The following ACAD10 variants were observed in gnomAD, a reference collection of about 807,000 sequenced individuals.
ACAD10 encodes the protein acyl-CoA dehydrogenase family member 10.
A neutral mutation model predicts 116.8 loss-of-function variants in ACAD10; 112 were observed. The observed-to-expected ratio is 0.96, with a 90% CI of 0.82 to 1.12. ACAD10 has a LOEUF of 1.12. ACAD10 is among the 50% of genes most tolerant of loss of function. The pLI, the probability that ACAD10 is intolerant of heterozygous loss-of-function variation, is 0.00. For missense variants in ACAD10, 1,259 were observed against 1,350.2 expected (o/e 0.93, Z 1.06); for synonymous variants, 486 against 510.6 (o/e 0.95, Z 0.65).
intron 2 of ACAD10, among the ~76,000 whole-genome samples, chr12:111,697,080 CAAA>C (rs5800932): frequency 9.2e-4 from 114 of 123,922 alleles, no homozygotes; most frequent in South Asian, 2.8e-3. Flanking sequence ...GACTCCGTCT[CAAA>C]AAAAAAAAAA....
chr12:111,741,664 T>TCA (rs1889746733), intron 12 of ACAD10, among the ~76,000 whole-genome samples: 1 of 152,142 alleles, frequency 6.6e-6, no homozygotes, highest in Admixed American at 6.6e-5. Context: ...CTTAGTTTTC[T>TCA]CATGTAAAAA....
At chr12:111,733,078 CT>C (rs1273769198) in intron 10 of ACAD10, among the ~76,000 whole-genome samples, 1 of 151,998 alleles carries the variant, frequency 6.6e-6, no homozygotes, top group Non-Finnish European at 1.5e-5. Flanking sequence ...AGCATGGCAA[CT>C]TCTGGGTAAC....
chr12:111,721,940 G>A, intron 8 of ACAD10: 1 of 393,218 alleles, frequency 2.5e-6, no homozygotes, highest in Non-Finnish European at 4.5e-6. Flanking sequence ...GGGATAATTG[G>A]TAGAAAACAT....
chr12:111,742,215 G>A (rs1889764192), intron 12 of ACAD10, among the ~76,000 whole-genome samples: 1 of 152,032 alleles, frequency 6.6e-6, no homozygotes, highest in Non-Finnish European at 1.5e-5. Context: ...TCTCAGAGTG[G>A]GAGCCAACCA....
At chr12:111,742,743 CTT>C (rs987456656) in intron 12 of ACAD10, among the ~76,000 whole-genome samples, 7 of 152,132 alleles carry the variant, frequency 4.6e-5, no homozygotes, top group African/African-American at 7.2e-5. Context: ...GAATTTTGCT[CTT>C]GTCACCCAGG....
At chr12:111,728,276 A>T in intron 9 of ACAD10, 133 bp downstream of exon 9, 6 of 902,838 alleles carry the variant, frequency 6.6e-6, no homozygotes, top group Non-Finnish European at 9.4e-6. Context: ...CTTCCTTGGA[A>T]ATCCAGTTTA....
Position 111,756,442 on chromosome 12 carries a change from T to C in ACAD10, c.3149T>C (p.Val1050Ala). ...DGPDEVHRAT[V>A]AKLELKHRI ...CCTGACGAGGTGCACCGGGCCACGG[T>C]GGCCAAGCTAGAGCTGAAGCACCGC... Residue 1050 changes from valine (V) to alanine (A), a missense_variant, in exon 21 of 21, where the codon GTG becomes GCG. Transcript: ENST00000313698. 6.2e-7 allele frequency: 1 copy of C among 1,612,826 alleles called. No individual in the cohort carries two copies. Among genetic ancestry groups the C allele is most frequent in the Non-Finnish European group, 8.5e-7 (1 of 1,179,866 alleles).
At chr12:111,691,872 C>T (rs1888053854) in intron 1 of ACAD10, among the ~76,000 whole-genome samples, 2 of 152,288 alleles carry the variant, frequency 1.3e-5, no homozygotes, top group South Asian at 2.1e-4. Context: ...GTTGAGATTA[C>T]AGGCGTGTGC....
At chr12:111,740,332 C>G (rs1037867195) in intron 12 of ACAD10, among the ~76,000 whole-genome samples, 1 of 151,352 alleles carries the variant, frequency 6.6e-6, no homozygotes, top group Middle Eastern at 3.4e-3. Flanking sequence ...TGTGGTGATG[C>G]CGCCTATAAT....
intron 20 of ACAD10, 56 bp from the exon 21 acceptor site, chr12:111,756,277 G>A: frequency 1.3e-6 from 2 of 1,519,472 alleles, no homozygotes; most frequent in Non-Finnish European, 1.7e-6. Flanking sequence ...CATTCCTGGG[G>A]CTCTCGGAGA....
At chr12:111,737,422 A>G (rs1353796496) in intron 12 of ACAD10, among the ~76,000 whole-genome samples, 4 of 152,102 alleles carry the variant, frequency 2.6e-5, no homozygotes, top group Non-Finnish European at 5.9e-5. Flanking sequence ...CCGGGCCTCA[A>G]GTGATCCGTC....
chr12:111,724,578 G>A (rs1455221826), intron 8 of ACAD10, among the ~76,000 whole-genome samples: 8 of 152,206 alleles, frequency 5.3e-5, no homozygotes, highest in African/African-American at 1.4e-4. Context: ...TGAGGCTGGC[G>A]GATCACTCGC....
chr12:111,694,903 A>T lies in ACAD10; in HGVS notation c.187+2007A>T, dbSNP rs528154089. 3.4e-4 allele frequency among the ~76,000 whole-genome samples: 52 copies of T among 152,198 alleles called. 1 individual carries two copies. The highest frequency in any genetic ancestry group is 6.6e-5 in the Admixed American group (1 of 15,256). Reference sequence around the variant, plus strand: ...CGTACCTGGGCATGGTGGTGCATGGATGTAGTCCCAGCTACTTGAGGGGCT... The same window carrying T: ...CGTACCTGGGCATGGTGGTGCATGGTTGTAGTCCCAGCTACTTGAGGGGCT... On this transcript the variant is annotated intron_variant, in intron 2 of 20. Transcript: ENST00000313698.
chr12:111,694,108 A>C (rs536253939), intron 2 of ACAD10, among the ~76,000 whole-genome samples: 2 of 152,140 alleles, frequency 1.3e-5, no homozygotes, highest in Non-Finnish European at 2.9e-5. Flanking sequence ...TCCATCCTAA[A>C]TCAACCCAGG....
At chr12:111,717,096 G>C (rs1010190688) in intron 7 of ACAD10, among the ~76,000 whole-genome samples, 3 of 152,000 alleles carry the variant, frequency 2.0e-5, no homozygotes, top group Non-Finnish European at 4.4e-5. Context: ...ATTTACAACT[G>C]GGAAAAGTAA....
In ACAD10 at chr12:111,692,579, C is replaced by T. The variant is rs994110373; in HGVS notation, c.-13-118C>T. On this transcript the variant is annotated intron_variant, in intron 1 of 20. Transcript: ENST00000313698. Reference sequence around the variant, plus strand: ...ACTGAGGTCAGTTGTGGGTGTGATTCGAAGTGCCTGTTGGAGATGGGTTAG... The same window carrying T: ...ACTGAGGTCAGTTGTGGGTGTGATTTGAAGTGCCTGTTGGAGATGGGTTAG... The T allele has an allele frequency of 6.0e-6, 6 of 1,002,444 alleles. 1 individual carries two copies. Among genetic ancestry groups the T allele is most frequent in the South Asian group, 1.6e-5 (1 of 61,540 alleles). The allele number at this position is 1,002,444 out of a possible 1,614,324, so 62.1% of individuals were successfully genotyped here.
At position 111,736,984 on chromosome 12, in the gene ACAD10, T is replaced by G; in HGVS notation, c.1694T>G (p.Val565Gly). ...CGTGTGGCTGCAATCCTACAGGGAG[T>G]CTACAAGCGATCACTCACAGGTAAT... ...FFRVAAILQG[V>G]YKRSLTGQAS... The change falls in exon 12 of 21, where the codon GTC becomes GGC. Residue 565 changes from valine (V) to glycine (G), a missense_variant. Transcript: ENST00000313698. 1 of 1,612,958 alleles carries G rather than the reference T, an allele frequency of 6.2e-7. No individual in the cohort carries two copies. Among genetic ancestry groups the G allele is most frequent in the Non-Finnish European group, 8.5e-7 (1 of 1,179,666 alleles).
intron 8 of ACAD10, among the ~76,000 whole-genome samples, chr12:111,724,853 C>T (rs1414327606): frequency 6.9e-6 from 1 of 145,754 alleles, no homozygotes; most frequent in East Asian, 2.0e-4. Context: ...GAGAGGGAGA[C>T]CGTGGAAAGA....
At chr12:111,692,114 A>G (rs1453539709) in intron 1 of ACAD10, among the ~76,000 whole-genome samples, 4 of 152,042 alleles carry the variant, frequency 2.6e-5, no homozygotes, top group Non-Finnish European at 5.9e-5. Context: ...GATTACAGGC[A>G]TGCGCCACCA....
Sources: gnomAD v4.1 joint callset for allele counts (sites outside exome capture counted in the v4.1 genomes callset) on GRCh38, gnomAD v4.1.1 for gene constraint, MANE v1.5 for transcripts, NCBI Gene and HGNC (gene_info 2026-07-23, HGNC 2026-07-21) for gene names.